SMG6: variants seen among roughly 807,000 people sequenced by gnomAD.
The protein encoded by SMG6 is SMG6 nonsense mediated mRNA decay factor.
A neutral mutation model predicts 142.2 loss-of-function variants in SMG6; 66 were observed. The observed-to-expected ratio is 0.46, with a 90% confidence interval of 0.38 to 0.57. The LOEUF (loss-of-function observed/expected upper bound fraction) is 0.57, where lower values mean the gene tolerates loss of function less well. SMG6 is among the 20% of genes least tolerant of loss of function. The probability of loss-of-function intolerance (pLI) is 0.00; values close to 1 mark genes in which losing one functional copy is unlikely to be tolerated. For synonymous variants in SMG6, 779 were observed against 702.4 expected (o/e 1.11, Z -1.72); for missense variants, 1,793 against 1,832.0 (o/e 0.98, Z 0.39).
At position 2,099,306 on chromosome 17, in the gene SMG6, A is replaced by G. The variant is rs115268785; in HGVS notation, c.3358-13405T>C. On this transcript the variant is annotated intron_variant, in intron 13 of 18. Coordinates refer to ENST00000263073, the MANE Select transcript of SMG6 (RefSeq NM_017575.5). The stretch of plus-strand genomic sequence containing the variant: ...TGCTCCTCATGGGGGTTTGGACTCA[A>G]TAAGGAATAGGGACTCCTCTTTGAC... Among the ~76,000 whole-genome samples, 399 of 152,176 alleles carry G rather than the reference A, an allele frequency of 2.6e-3. 1 individual carries two copies. Among genetic ancestry groups the G allele is most frequent in the African/African-American group, 9.0e-3 (373 of 41,498 alleles).
Position 2,188,438 on chromosome 17 carries a change from C to G in SMG6, c.2947G>C (p.Val983Leu). ...TTAAGTAAGCAGGTGCAGCGGCGGA[C>G]CAGTAGAGAAAACATGGCCAAGCCC... ...ALGLAMFSLL[V>L]RRCTCLLKES... The change falls in exon 11 of 19, where the codon GTC becomes CTC. Residue 983 changes from valine (V) to leucine (L), a missense_variant. Physicochemically the swap from Val to Leu is conservative, Grantham distance 32 (BLOSUM62 1). Transcript: ENST00000263073. 6.2e-7 allele frequency: 1 copy of G among 1,614,124 alleles called. No individual in the cohort carries two copies. Among genetic ancestry groups the G allele is most frequent in the Non-Finnish European group, 8.5e-7 (1 of 1,180,004 alleles).
intron 13 of SMG6, among the ~76,000 whole-genome samples, chr17:2,112,045 T>C (rs2069336330): frequency 6.6e-6 from 1 of 152,184 alleles, no homozygotes; most frequent in Non-Finnish European, 1.5e-5. Flanking sequence ...GTTATTTAAA[T>C]TTCTTACAGA....
intron 1 of SMG6, chr17:2,303,107 G>A: frequency 3.0e-6 from 3 of 985,448 alleles, no homozygotes; most frequent in South Asian, 9.4e-5. Flanking sequence ...CCAAACCCGA[G>A]TAGTCTGAGG....
At chr17:2,286,627 T>C (rs1335379488) in intron 6 of SMG6, among the ~76,000 whole-genome samples, 2 of 152,008 alleles carry the variant, frequency 1.3e-5, no homozygotes, top group Non-Finnish European at 2.9e-5. Flanking sequence ...GGCCTAAATA[T>C]AAGAGGTAAA....
chr17:2,212,669 C>G (rs1013607147), intron 10 of SMG6: 4 of 152,268 alleles, frequency 2.6e-5, no homozygotes, highest in African/African-American at 9.7e-5. Context: ...TAGGCATCAA[C>G]CGGGGATGTC....
At chr17:2,100,470 G>A (rs552235463) in intron 13 of SMG6, among the ~76,000 whole-genome samples, 3 of 152,254 alleles carry the variant, frequency 2.0e-5, no homozygotes, top group South Asian at 2.1e-4. Flanking sequence ...ACTGGTGCCC[G>A]ACTTTGTTTG....
intron 8 of SMG6, among the ~76,000 whole-genome samples, chr17:2,264,141 T>C (rs1390190104): frequency 6.6e-6 from 1 of 152,106 alleles, no homozygotes; most frequent in Non-Finnish European, 1.5e-5. Flanking sequence ...GGATCCAATG[T>C]ACAGGTCTCA....
chr17:2,133,057 C>G (rs929944901), intron 13 of SMG6, among the ~76,000 whole-genome samples: 4 of 152,056 alleles, frequency 2.6e-5, no homozygotes, highest in African/African-American at 9.7e-5. Flanking sequence ...CCAGCCTGGT[C>G]AACATGGTGA....
At chr17:2,105,509 C>A (rs917564200) in intron 13 of SMG6, among the ~76,000 whole-genome samples, 30 of 152,174 alleles carry the variant, frequency 2.0e-4, no homozygotes, top group African/African-American at 7.2e-4. Context: ...CGCCACTGCA[C>A]TCCAGCCTGA....
At chr17:2,255,173 G>A (rs1334552488) in intron 8 of SMG6, among the ~76,000 whole-genome samples, 1 of 151,926 alleles carries the variant, frequency 6.6e-6, no homozygotes, top group Admixed American at 6.6e-5. Context: ...GGGAGGCCGA[G>A]GCGGGCGGAT....
At chr17:2,148,858 C>CAAA (rs145407655) in intron 13 of SMG6, among the ~76,000 whole-genome samples, 1 of 135,366 alleles carries the variant, frequency 7.4e-6, no homozygotes, top group East Asian at 2.2e-4. Flanking sequence ...GACTCTGTCT[C>CAAA]AAAAAAAAAA....
intron 10 of SMG6, among the ~76,000 whole-genome samples, chr17:2,199,554 AAAAT>A (rs201774067): frequency 4.2e-4 from 63 of 151,322 alleles, no homozygotes; most frequent in African/African-American, 7.5e-4. Flanking sequence ...AAAATAAATA[AAAAT>A]AAATAAATAA....
intron 13 of SMG6, among the ~76,000 whole-genome samples, chr17:2,091,903 T>C (rs1008495691): frequency 3.3e-5 from 5 of 151,840 alleles, no homozygotes; most frequent in African/African-American, 4.8e-5. Context: ...AGGACGGTCT[T>C]GATCTCCTGA....
chr17:2,215,223 A>ACGCG (rs932888709), intron 10 of SMG6, among the ~76,000 whole-genome samples: 1 of 151,150 alleles, frequency 6.6e-6, no homozygotes, highest in South Asian at 2.1e-4. Context: ...ACACACACAC[A>ACGCG]CGCGCGCGCA....
intron 10 of SMG6, among the ~76,000 whole-genome samples, chr17:2,200,497 A>ATC (rs1361669234): frequency 6.7e-6 from 1 of 149,758 alleles, no homozygotes; most frequent in Non-Finnish European, 1.5e-5. Context: ...TCCTAATGCT[A>ATC]TCCCTCCCCT....
chr17:2,142,254 C>T (rs1215370940), intron 13 of SMG6, among the ~76,000 whole-genome samples: 1 of 152,186 alleles, frequency 6.6e-6, no homozygotes, highest in African/African-American at 2.4e-5. Flanking sequence ...AAAATTAAAA[C>T]ATTCAAGAAA....
intron 8 of SMG6, among the ~76,000 whole-genome samples, chr17:2,245,960 G>A (rs1197778920): frequency 1.3e-5 from 2 of 152,334 alleles, no homozygotes; most frequent in African/African-American, 4.8e-5. Context: ...GATCACAGAG[G>A]TGAGAGTCAC....
At chr17:2,179,883 A>G (rs1367934108) in intron 12 of SMG6, among the ~76,000 whole-genome samples, 1 of 152,212 alleles carries the variant, frequency 6.6e-6, no homozygotes, top group African/African-American at 2.4e-5. Flanking sequence ...AAAGCCTCCA[A>G]GACCAGGACC....
chr17:2,258,687 A>G (rs1349023870), intron 8 of SMG6, among the ~76,000 whole-genome samples: 1 of 150,612 alleles, frequency 6.6e-6, no homozygotes, highest in Non-Finnish European at 1.5e-5. Flanking sequence ...AGTCCCAGCT[A>G]CTCTATGGGC....
Sources: gnomAD v4.1 joint callset for allele counts (sites outside exome capture counted in the v4.1 genomes callset) on GRCh38, gnomAD v4.1.1 for gene constraint, MANE v1.5 for transcripts, NCBI Gene and HGNC (gene_info 2026-07-23, HGNC 2026-07-21) for gene names.